OFD1: variants seen among roughly 807,000 people sequenced by gnomAD.
OFD1 encodes centriole and centriolar satellite protein OFD1.
A neutral mutation model predicts 81.4 loss-of-function variants in OFD1; 12 were observed. The ratio of observed to expected loss-of-function variants is 0.15; its 90% CI spans 0.09 to 0.24. The LOEUF (loss-of-function observed/expected upper bound fraction) is 0.24. OFD1 is among the 10% of genes least tolerant of loss of function. OFD1 has a pLI of 1.00. For missense variants in OFD1, 685 were observed against 733.9 expected, an observed-to-expected ratio of 0.93 and a Z score of 0.77; for synonymous variants, 256 against 263.7, an observed-to-expected ratio of 0.97 and a Z score of 0.28.
intron 8 of OFD1, among the ~76,000 whole-genome samples, chrX:13,748,227 A>G (rs1251990495): frequency 3.6e-5 from 4 of 112,507 alleles, no homozygotes. Flanking sequence ...TTCAACCTTC[A>G]AGATAGGTGA....
chrX:13,718,657 C>T, the OFD1 span, among the ~76,000 whole-genome samples: 3 of 111,906 alleles, frequency 2.7e-5, no homozygotes, highest in Admixed American at 9.5e-5. Flanking sequence ...TAGAGAATCC[C>T]GTAAACAAAT....
chrX:13,765,408 GT>G (rs1376087969), intron 19 of OFD1, among the ~76,000 whole-genome samples: 1 of 111,678 alleles, frequency 9.0e-6, no homozygotes, highest in Non-Finnish European at 1.9e-5. Context: ...AAGCAATCTT[GT>G]TTAGGAGTAA....
At chrX:13,742,014 A>C (rs1214686489) in intron 5 of OFD1, among the ~76,000 whole-genome samples, 1 of 112,197 alleles carries the variant, frequency 8.9e-6, no homozygotes, top group African/African-American at 3.2e-5. Context: ...CAGAGGCCTG[A>C]CAATATCCAG....
At chrX:13,748,563 A>G (rs1039312774) in intron 8 of OFD1, among the ~76,000 whole-genome samples, 7 of 111,971 alleles carry the variant, frequency 6.3e-5, no homozygotes, top group Admixed American at 1.9e-4. Context: ...ATATCTGTCT[A>G]CCTTTTTATA....
At chrX:13,757,358 C>T (rs1205570725) in intron 13 of OFD1, among the ~76,000 whole-genome samples, 1 of 112,015 alleles carries the variant, frequency 8.9e-6, no homozygotes, top group Non-Finnish European at 1.9e-5. Context: ...AGAGCTCCTT[C>T]TGTGCACAGT....
In OFD1 at chrX:13,768,278, G is replaced by A. The variant is rs931043621; in HGVS notation, c.2928+54G>A. On this transcript the variant is annotated intron_variant, in intron 21 of 22. Transcript: ENST00000340096. ...TGGGTGGGGGACATCCAGGGCTTCC[G>A]TGGCTTAACTTCTTGGGACGGGAAT... 21 of 941,058 alleles carry A rather than the reference G, an allele frequency of 2.2e-5. No homozygotes were observed. The Admixed American group carries it at 3.8e-4, about 17-fold the overall frequency. The allele number at this position is 941,058 out of a possible 1,213,427, so 77.6% of individuals were successfully genotyped here.
intron 20 of OFD1, 53 bp downstream of exon 20, chrX:13,767,337 G>GT (rs2048167937): frequency 8.6e-7 from 1 of 1,157,812 alleles, no homozygotes; most frequent in African/African-American, 1.8e-5. Flanking sequence ...TACACCTTTC[G>GT]TAAGTACATT....
At chrX:13,731,044 TA>T (rs1317575547), upstream of OFD1, among the ~76,000 whole-genome samples, 1 of 111,757 alleles carries the variant, frequency 8.9e-6, no homozygotes, top group African/African-American at 3.3e-5. Context: ...TGTGCACATG[TA>T]CCCTAGAACT....
At chrX:13,724,402 A>T in the OFD1 span, among the ~76,000 whole-genome samples, 1 of 95,697 alleles carries the variant, frequency 1.0e-5, no homozygotes, top group African/African-American at 4.3e-5. Flanking sequence ...TATATATTTA[A>T]AAAAAAAAAA....
intron 7 of OFD1, 25 bp downstream of exon 7, chrX:13,746,480 A>T (rs762558407): frequency 1.7e-6 from 2 of 1,202,568 alleles, no homozygotes; most frequent in South Asian, 3.5e-5. Context: ...GTTACTGTAA[A>T]CAAGAGTGAT....
chrX:13,720,834 T>C, the OFD1 span: 1 of 110,637 alleles, frequency 9.0e-6, no homozygotes, highest in Non-Finnish European at 1.9e-5. Context: ...GAGACCAGCC[T>C]GGGCAACATG....
At chrX:13,728,879 A>G in the OFD1 span, among the ~76,000 whole-genome samples, 1 of 112,333 alleles carries the variant, frequency 8.9e-6, no homozygotes, top group Non-Finnish European at 1.9e-5. Context: ...AATCTCCTTA[A>G]GCTGATAAGC....
chrX:13,726,283 G>C, the OFD1 span, among the ~76,000 whole-genome samples: 1 of 111,365 alleles, frequency 9.0e-6, no homozygotes. Context: ...TCCTCGAGAA[G>C]AGGAACCCCA....
At chrX:13,719,046 A>G in the OFD1 span, among the ~76,000 whole-genome samples, 1 of 110,813 alleles carries the variant, frequency 9.0e-6, no homozygotes, top group Non-Finnish European at 1.9e-5. Context: ...AATCCCAGCT[A>G]CCTGGGAGGC....
the OFD1 span, among the ~76,000 whole-genome samples, chrX:13,724,504 G>T: frequency 9.0e-6 from 1 of 111,190 alleles, no homozygotes; most frequent in African/African-American, 3.3e-5. Flanking sequence ...AATAATGGTG[G>T]ATGCTGACCT....
At chrX:13,741,161 C>T (rs1442601253) in intron 5 of OFD1, among the ~76,000 whole-genome samples, 2 of 111,119 alleles carry the variant, frequency 1.8e-5, no homozygotes, top group African/African-American at 6.6e-5. Flanking sequence ...ATAGTTTTTA[C>T]ACAGTCTCTT....
upstream of OFD1, chrX:13,734,211 A>C: frequency 2.2e-6 from 1 of 459,438 alleles, no homozygotes; most frequent in East Asian, 3.7e-5. Context: ...GCAAGGATAC[A>C]GCTAAACCTA....
chrX:13,770,555 G>C (rs763895588), downstream of OFD1, among the ~76,000 whole-genome samples: 3 of 112,422 alleles, frequency 2.7e-5, no homozygotes, highest in Non-Finnish European at 3.8e-5. Context: ...TTGTATTCCA[G>C]AGTAAATCTT....
At chrX:13,760,927 G>T (rs760678670) in intron 16 of OFD1, among the ~76,000 whole-genome samples, 158 bp from the exon 17 acceptor site, 2 of 112,436 alleles carry the variant, frequency 1.8e-5, no homozygotes, top group South Asian at 3.7e-4. Flanking sequence ...TTTAATTTAG[G>T]TGCTTGAATC....
Sources: gnomAD v4.1 joint callset for allele counts (sites outside exome capture counted in the v4.1 genomes callset) on GRCh38, gnomAD v4.1.1 for gene constraint, MANE v1.5 for transcripts, NCBI Gene and HGNC (gene_info 2026-07-23, HGNC 2026-07-21) for gene names.